Variants in KITLG observed in about 807,000 individuals in gnomAD.
KITLG encodes KIT ligand.
Under a neutral mutation model 34.1 loss-of-function variants are expected in KITLG, and 13 were observed. The observed-to-expected ratio is 0.38, with a 90% CI of 0.25 to 0.61. KITLG has a LOEUF of 0.61. KITLG is among the 20% of genes least tolerant of loss of function. The pLI, the probability that KITLG is intolerant of heterozygous loss-of-function variation, is 0.60. For missense variants in KITLG, 292 were observed against 318.9 expected, an observed-to-expected ratio of 0.92 and a Z score of 0.64; for synonymous variants, 110 against 104.0, an observed-to-expected ratio of 1.06 and a Z score of -0.35.
intron 1 of KITLG, chr12:88,564,102 C>T (rs1332751223): frequency 2.6e-5 from 4 of 152,044 alleles, no homozygotes; most frequent in East Asian, 1.9e-4. Flanking sequence ...ACAGTTTTCT[C>T]GGTAAATGTA....
intron 1 of KITLG, among the ~76,000 whole-genome samples, chr12:88,553,045 G>C (rs564536743): frequency 6.6e-6 from 1 of 152,208 alleles, no homozygotes; most frequent in Non-Finnish European, 1.5e-5. Context: ...CTTCAAAAAT[G>C]TTTGAGTAAA....
chr12:88,564,307 G>A (rs933659106), intron 1 of KITLG: 2 of 152,156 alleles, frequency 1.3e-5, no homozygotes, highest in Admixed American at 1.3e-4. Context: ...ACCATTTCAA[G>A]GTAATCCTTT....
chr12:88,533,480 C>T (rs1490663313), intron 2 of KITLG, among the ~76,000 whole-genome samples: 3 of 152,176 alleles, frequency 2.0e-5, no homozygotes, highest in Admixed American at 1.3e-4. Flanking sequence ...TTACAGAGTT[C>T]TAGGTTCTCT....
chr12:88,497,244 C>A, intron 9 of KITLG, 63 bp from the exon 10 acceptor site: 1 of 359,704 alleles, frequency 2.8e-6, no homozygotes. Context: ...TTAAAAATCT[C>A]AATAGCCGAA....
intron 1 of KITLG, among the ~76,000 whole-genome samples, chr12:88,552,259 C>T (rs1275242727): frequency 1.3e-5 from 2 of 151,286 alleles, no homozygotes; most frequent in East Asian, 1.9e-4. Context: ...ACTGCAACCT[C>T]CGCCTCCCAG....
At chr12:88,501,562 T>C (rs1389165106) in intron 9 of KITLG, among the ~76,000 whole-genome samples, 2 of 152,122 alleles carry the variant, frequency 1.3e-5, no homozygotes, top group African/African-American at 4.8e-5. Context: ...CTTGGAGGGT[T>C]TTCCATCTCT....
At chr12:88,572,572 TTATA>T (rs574891605) in intron 1 of KITLG, among the ~76,000 whole-genome samples, 1 of 135,232 alleles carries the variant, frequency 7.4e-6, no homozygotes, top group Non-Finnish European at 1.6e-5. Flanking sequence ...AATATGTACA[TTATA>T]TATATATTAT....
At chr12:88,542,711 T>G (rs180765770) in intron 2 of KITLG, among the ~76,000 whole-genome samples, 1 of 152,026 alleles carries the variant, frequency 6.6e-6, no homozygotes. Flanking sequence ...CATAAATAAC[T>G]TTTATGTAGA....
chr12:88,559,305 G>A (rs924539338), intron 1 of KITLG, among the ~76,000 whole-genome samples: 4 of 152,174 alleles, frequency 2.6e-5, no homozygotes, highest in African/African-American at 7.2e-5. Context: ...GGAAATACTC[G>A]AGAAGACAGG....
chr12:88,577,817 G>A (rs1325901250), intron 1 of KITLG, among the ~76,000 whole-genome samples: 1 of 152,114 alleles, frequency 6.6e-6, no homozygotes, highest in African/African-American at 2.4e-5. Flanking sequence ...TGACGGAAAG[G>A]CCAGAATACC....
chr12:88,558,776 G>A (rs1475810551), intron 1 of KITLG, among the ~76,000 whole-genome samples: 1 of 152,108 alleles, frequency 6.6e-6, no homozygotes, highest in Non-Finnish European at 1.5e-5. Context: ...TGATTATTAG[G>A]TACTCTATAA....
intron 2 of KITLG, among the ~76,000 whole-genome samples, chr12:88,536,983 T>C (rs1489382449): frequency 6.6e-6 from 1 of 151,830 alleles, no homozygotes; most frequent in Non-Finnish European, 1.5e-5. Flanking sequence ...AAAGTATAAT[T>C]TAAAAAAATG....
chr12:88,508,714 C>A (rs1409252562), intron 6 of KITLG, among the ~76,000 whole-genome samples: 1 of 152,016 alleles, frequency 6.6e-6, no homozygotes, highest in South Asian at 2.1e-4. Context: ...CTGGCCCACC[C>A]CACATCCTAT....
chr12:88,534,692 T>C (rs1252355106), intron 2 of KITLG: 3 of 515,856 alleles, frequency 5.8e-6, no homozygotes, highest in Non-Finnish European at 1.2e-5. Flanking sequence ...AAAACACACC[T>C]GAGCTGCCAG....
chr12:88,532,220 A>G (rs965775226), intron 3 of KITLG, among the ~76,000 whole-genome samples: 2 of 152,040 alleles, frequency 1.3e-5, no homozygotes, highest in Non-Finnish European at 2.9e-5. Flanking sequence ...AAGAACAACT[A>G]TACAGGTCTA....
At chr12:88,506,655 T>C (rs773774266) in intron 7 of KITLG, among the ~76,000 whole-genome samples, 18 of 152,196 alleles carry the variant, frequency 1.2e-4, no homozygotes, top group Non-Finnish European at 2.6e-4. Context: ...ACAATGATTT[T>C]TGCACATTTT....
intron 1 of KITLG, among the ~76,000 whole-genome samples, chr12:88,551,942 C>T (rs1870929676): frequency 6.6e-6 from 1 of 151,954 alleles, no homozygotes; most frequent in East Asian, 1.9e-4. Context: ...GAGAGAGGTG[C>T]GATGATGGAA....
At chr12:88,549,835 C>T (rs1396653161) in intron 1 of KITLG, among the ~76,000 whole-genome samples, 1 of 152,082 alleles carries the variant, frequency 6.6e-6, no homozygotes, top group Non-Finnish European at 1.5e-5. Context: ...CTATGGTGTT[C>T]TAACCTTAAG....
intron 1 of KITLG, among the ~76,000 whole-genome samples, chr12:88,568,277 TCTCATTTATTTATTTA>T (rs1259594478): frequency 2.8e-5 from 4 of 141,906 alleles, no homozygotes; most frequent in Non-Finnish European, 4.5e-5. Flanking sequence ...CCACATATTA[TCTCATTTATTTATTTA>T]TTTATTTATT....
Sources: allele counts gnomAD v4.1 joint callset (sites outside exome capture counted in the v4.1 genomes callset), GRCh38; gene constraint gnomAD v4.1.1; transcripts MANE v1.5; gene names NCBI Gene and HGNC (gene_info 2026-07-23, HGNC 2026-07-21).